Variants in CHRNA2 observed in about 807,000 individuals in gnomAD.
The protein encoded by CHRNA2 is neuronal acetylcholine receptor subunit alpha-2.
A neutral mutation model predicts 45.5 loss-of-function variants in CHRNA2; 40 were observed. The observed-to-expected ratio is 0.88, with a 90% CI of 0.68 to 1.15. The LOEUF (loss-of-function observed/expected upper bound fraction) is 1.15, where lower values mean the gene tolerates loss of function less well. Ranked by LOEUF, CHRNA2 falls within the 50% of genes most tolerant of loss-of-function variation. CHRNA2 has a pLI of 0.00. For missense variants in CHRNA2, 655 were observed against 701.7 expected, an observed-to-expected ratio of 0.93 and a Z score of 0.75; for synonymous variants, 301 against 296.7, an observed-to-expected ratio of 1.01 and a Z score of -0.15.
intron 5 of CHRNA2, among the ~76,000 whole-genome samples, chr8:27,466,242 A>AT (rs1812695174): frequency 1.3e-5 from 2 of 152,220 alleles, no homozygotes. Context: ...GTGTAAAAAA[A>AT]AAAATCTGAC....
chr8:27,470,371 G>A (rs1812841918), intron 2 of CHRNA2, among the ~76,000 whole-genome samples: 1 of 152,082 alleles, frequency 6.6e-6, no homozygotes, highest in Admixed American at 6.5e-5. Flanking sequence ...GCCTGGCCAG[G>A]GTAAGCAGTC....
At chr8:27,474,412 C>T (rs1812998255) in intron 1 of CHRNA2, among the ~76,000 whole-genome samples, 1 of 152,198 alleles carries the variant, frequency 6.6e-6, no homozygotes, top group South Asian at 2.1e-4. Context: ...CCATGAGCTG[C>T]CCTTATCCTC....
At chr8:27,470,932 G>T in intron 2 of CHRNA2, 54 bp downstream of exon 2, 2 of 1,574,434 alleles carry the variant, frequency 1.3e-6, no homozygotes, top group African/African-American at 1.3e-5. Flanking sequence ...CCTACAATTT[G>T]TGAGCCCACA....
Position 27,476,034 on chromosome 8 carries a change from T to C in CHRNA2, c.-137+2790A>G, listed in dbSNP as rs560977142. On this transcript the variant is annotated intron_variant, in intron 1 of 6. Transcript: ENST00000407991. ...AGGAGACTAAGGCTTCTCACTTAATTTGGGGAGCAGCACTGCATCAAACAT... is the reference window on the plus strand; with the variant it reads ...AGGAGACTAAGGCTTCTCACTTAATCTGGGGAGCAGCACTGCATCAAACAT... 7.0e-4 allele frequency among the ~76,000 whole-genome samples: 107 copies of C among 152,314 alleles called. 1 individual carries two copies. The highest frequency in any genetic ancestry group is 2.5e-3 in the African/African-American group (103 of 41,570).
intron 3 of CHRNA2, 60 bp from the exon 4 acceptor site, chr8:27,469,439 G>A (rs1034654767): frequency 5.3e-6 from 8 of 1,516,402 alleles, no homozygotes; most frequent in South Asian, 1.2e-5. Flanking sequence ...AGAAGACAGG[G>A]TGGAGTGGGA....
intron 3 of CHRNA2, 102 bp downstream of exon 3, chr8:27,469,659 C>T: frequency 7.0e-7 from 1 of 1,425,116 alleles, no homozygotes; most frequent in Non-Finnish European, 9.9e-7. Context: ...CAAGTCACTG[C>T]TGTGCGTGAG....
chr8:27,471,744 A>G (rs374992861), intron 1 of CHRNA2, among the ~76,000 whole-genome samples: 1 of 152,248 alleles, frequency 6.6e-6, no homozygotes, highest in Admixed American at 6.5e-5. Context: ...CACATACTGA[A>G]GGTGATATTG....
rs1217361272 is a variant in CHRNA2 at position 27,463,476 on chromosome 8, G to A, written c.967C>T (p.Leu323=). 6.2e-7 allele frequency: 1 copy of A among 1,614,218 alleles called. No individual in the cohort carries two copies. Among genetic ancestry groups the A allele is most frequent in the African/African-American group, 1.3e-5 (1 of 75,048 alleles). The change falls in exon 6 of 7, where the codon CTG becomes TTG. Residue 323 remains leucine, a synonymous_variant. Coordinates refer to ENST00000407991, the MANE Select transcript of CHRNA2 (RefSeq NM_000742.4). This position sits in a 1 kb window ranked among gnomAD's most constrained non-coding sequence, Gnocchi z 6.1. ...TACTCGCCGATGAGCGGGATGACCAGCGAGGTGGACGGGATGATCTCAGTG... is the reference window on the plus strand; with the variant it reads ...TACTCGCCGATGAGCGGGATGACCAACGAGGTGGACGGGATGATCTCAGTG... ...LITEIIPSTS[L]VIPLIGEYLL... is the part of the protein sequence containing the mutation.
Position 27,461,828 on chromosome 8 carries a change from T to C in CHRNA2, c.1465-74A>G, listed in dbSNP as rs996398612. 5 of 1,607,384 alleles carry C rather than the reference T, an allele frequency of 3.1e-6. No individual in the cohort carries two copies. In the African/African-American group the frequency reaches 6.7e-5, roughly 21 times the overall value. ...ATGTGTTCCCCCCATTCACAGCCCC[T>C]GCACAGGCGGCCACTGGGGGCAGCA... is the stretch of plus-strand genomic sequence containing the variant. On this transcript the variant is annotated intron_variant, in intron 6 of 6. Coordinates refer to ENST00000407991, the MANE Select transcript of CHRNA2 (RefSeq NM_000742.4).
Position 27,472,446 on chromosome 8 carries a change from T to C in CHRNA2, c.-136-1252A>G, listed in dbSNP as rs868758950. Among the ~76,000 whole-genome samples the C allele has an allele frequency of 5.9e-5, 9 of 152,212 alleles. No homozygotes were observed. The East Asian group carries it at 1.5e-3, about 26-fold the overall frequency. ...CACCCAGCTGATCTCTGCTGCAGAATTGACAGCTTGCTTGCGGGTGAGGAG... is the reference window on the plus strand; with the variant it reads ...CACCCAGCTGATCTCTGCTGCAGAACTGACAGCTTGCTTGCGGGTGAGGAG... On this transcript the variant is annotated intron_variant, in intron 1 of 6. Coordinates refer to ENST00000407991, the MANE Select transcript of CHRNA2 (RefSeq NM_000742.4).
chr8:27,464,054 T>A, intron 5 of CHRNA2, 61 bp from the exon 6 acceptor site: 1 of 1,597,680 alleles, frequency 6.3e-7, no homozygotes, highest in Non-Finnish European at 8.5e-7. Context: ...GCCAGGCTAC[T>A]CAGAGAGCTG....
At chr8:27,466,979 C>A (rs1273763659) in intron 5 of CHRNA2, among the ~76,000 whole-genome samples, 2 of 152,338 alleles carry the variant, frequency 1.3e-5, no homozygotes, top group South Asian at 2.1e-4. Context: ...ATGGACAAAT[C>A]TCTGTCCCTC....
chr8:27,475,707 T>C (rs1253633017), intron 1 of CHRNA2, among the ~76,000 whole-genome samples: 1 of 152,206 alleles, frequency 6.6e-6, no homozygotes, highest in Non-Finnish European at 1.5e-5. Context: ...TGGTAAATTA[T>C]GTTATGTATA....
Position 27,463,406 on chromosome 8 carries a change from G to C in CHRNA2, c.1037C>G (p.Thr346Ser). 1.2e-6 allele frequency: 2 copies of C among 1,614,180 alleles called. No homozygotes were observed. Among genetic ancestry groups the C allele is most frequent in the Non-Finnish European group, 1.7e-6 (2 of 1,180,044 alleles). The change falls in exon 6 of 7, where the codon ACC (threonine) becomes AGC (serine). Residue 346 changes from threonine (T) to serine (S), a missense_variant. By Grantham distance (58) the Thr-to-Ser change is moderately conservative. Around this residue, in one of 3 missense-constraint regions of CHRNA2, gnomAD observed 295 missense variants for 280.4 expected, o/e 1.05. Transcript: ENST00000407991. This position sits in a 1 kb window ranked among gnomAD's most constrained non-coding sequence, Gnocchi z 6.1. ...MIFVTLSIVITVFVLNVHHRS... is the reference protein window; with the variant it reads ...MIFVTLSIVISVFVLNVHHRS... Reference sequence around the variant, plus strand: ...GTGGTGCACATTGAGCACGAAGACGGTGATGACGATGGACAGGGTGACGAA... The same window carrying C: ...GTGGTGCACATTGAGCACGAAGACGCTGATGACGATGGACAGGGTGACGAA...
Position 27,463,261 on chromosome 8 carries a change from G to A in CHRNA2, c.1182C>T (p.Arg394=), listed in dbSNP as rs775040887. 6.2e-7 allele frequency: 1 copy of A among 1,604,260 alleles called. No individual in the cohort carries two copies. The highest frequency in any genetic ancestry group is 1.1e-5 in the South Asian group (1 of 89,884). ...PPPVELCHPL[R]LKLSPSYHWL... The stretch of plus-strand genomic sequence containing the variant: ...AGTGATAAGAGGGGCTGAGCTTCAG[G>A]CGTAGGGGGTGGCAGAGCTCCACGG... The change falls in exon 6 of 7, where the codon CGC becomes CGT. Residue 394 remains arginine (R), a synonymous_variant. Coordinates refer to ENST00000407991, the MANE Select transcript of CHRNA2 (RefSeq NM_000742.4). The surrounding 1 kb of genome is among the most constrained non-coding windows in gnomAD (Gnocchi z 6.1).
chr8:27,473,200 T>C (rs1397778515), intron 1 of CHRNA2, among the ~76,000 whole-genome samples: 2 of 152,116 alleles, frequency 1.3e-5, no homozygotes, highest in South Asian at 2.1e-4. Flanking sequence ...ACATCGTGTA[T>C]GTGGCCTAGG....
chr8:27,462,923 T>C, intron 6 of CHRNA2, 56 bp downstream of exon 6: 2 of 1,610,116 alleles, frequency 1.2e-6, no homozygotes, highest in South Asian at 2.2e-5. Context: ...GTAAGGTGGT[T>C]CCCCGCTAAG....
intron 4 of CHRNA2, among the ~76,000 whole-genome samples, chr8:27,468,895 GTAT>G (rs1812781453): frequency 6.6e-6 from 1 of 152,170 alleles, no homozygotes. Context: ...GGCAGTATAG[GTAT>G]TAAGCACTCA....
At chr8:27,467,110 C>T in intron 5 of CHRNA2, 119 bp downstream of exon 5, 1 of 739,874 alleles carries the variant, frequency 1.4e-6, no homozygotes, top group South Asian at 1.5e-5. Context: ...GCATGCTCAG[C>T]ACAGCAGTCG....
Sources: allele counts gnomAD v4.1 joint callset (sites outside exome capture counted in the v4.1 genomes callset), GRCh38; gene constraint gnomAD v4.1.1; regional missense constraint gnomAD v4.1.1; non-coding constraint Gnocchi (gnomAD v3.1); transcripts MANE v1.5; gene names NCBI Gene and HGNC (gene_info 2026-07-23, HGNC 2026-07-21).